Variants in DPRX observed in about 807,000 individuals in gnomAD.
DPRX encodes divergent-paired related homeobox.
DPRX carries 11 observed loss-of-function variants against 8.4 expected under a neutral mutation model. The observed-to-expected ratio is 1.31, with a 90% confidence interval of 0.82 to 2.17. DPRX has a LOEUF of 2.17. DPRX is among the 30% of genes most tolerant of loss of function. The pLI, the probability that DPRX is intolerant of heterozygous loss-of-function variation, is 0.00. For missense variants in DPRX, 211 were observed against 236.7 expected (o/e 0.89, Z 0.71); for synonymous variants, 72 against 87.0 (o/e 0.83, Z 0.96).
upstream of DPRX, chr19:53,629,980 ATG>A (rs2091085662): frequency 2.7e-5 from 1 of 37,698 alleles, no homozygotes; most frequent in South Asian, 6.1e-4. Flanking sequence ...GCCAAGGCAG[ATG>A]GATCACCTGA....
chr19:53,629,323 A>T (rs1173771915), upstream of DPRX, among the ~76,000 whole-genome samples: 1 of 151,318 alleles, frequency 6.6e-6, no homozygotes, highest in African/African-American at 2.4e-5. Flanking sequence ...CTCAAAAAAA[A>T]AAAAAAAAAA....
At position 53,634,288 on chromosome 19, in the gene DPRX, G is replaced by A. The variant is rs1036891107; in HGVS notation, c.29-243G>A. On this transcript the variant is annotated intron_variant, in intron 1 of 2. Coordinates refer to ENST00000376650, the Ensembl canonical transcript of DPRX. The stretch of plus-strand genomic sequence containing the variant: ...TCTGCTAGAAATACAAAAATTATCC[G>A]GGCATGGTGGCGTGCGCCTGTAATC... Among the ~76,000 whole-genome samples, 5 of 152,048 alleles carry A rather than the reference G, an allele frequency of 3.3e-5. 1 individual carries two copies. The highest frequency in any genetic ancestry group is 1.2e-4 in the African/African-American group (5 of 41,430).
upstream of DPRX, among the ~76,000 whole-genome samples, chr19:53,631,589 G>A (rs1307439063): frequency 1.3e-5 from 2 of 151,874 alleles, no homozygotes; most frequent in Non-Finnish European, 2.9e-5. Flanking sequence ...CGGAAACTCC[G>A]TCTCTACTAA....
the DPRX span, among the ~76,000 whole-genome samples, chr19:53,609,466 CAAAAAAAAAAAAA>C: frequency 1.8e-5 from 1 of 55,486 alleles, no homozygotes; most frequent in Non-Finnish European, 3.1e-5. Context: ...GACTCGGTCT[CAAAAAAAAAAAAA>C]AAAAAAAAAA....
the DPRX span, among the ~76,000 whole-genome samples, chr19:53,615,274 A>C: frequency 6.9e-6 from 1 of 145,372 alleles, no homozygotes; most frequent in Non-Finnish European, 1.5e-5. Flanking sequence ...GTCCAGCCAG[A>C]TCTGTCTAAT....
chr19:53,615,719 C>T, the DPRX span, among the ~76,000 whole-genome samples: 1 of 151,942 alleles, frequency 6.6e-6, no homozygotes, highest in Non-Finnish European at 1.5e-5. Flanking sequence ...TACTACAGTC[C>T]TCTTTTATTA....
At chr19:53,616,207 G>A in the DPRX span, among the ~76,000 whole-genome samples, 1 of 151,876 alleles carries the variant, frequency 6.6e-6, no homozygotes, top group Non-Finnish European at 1.5e-5. Context: ...ACCCGAGATT[G>A]CGCCATTGCA....
intron 1 of DPRX, among the ~76,000 whole-genome samples, chr19:53,633,841 A>G (rs1055770892): frequency 6.6e-6 from 1 of 151,152 alleles, no homozygotes; most frequent in African/African-American, 2.4e-5. Context: ...ATGGGGTTTC[A>G]CCATGCTGGC....
At chr19:53,603,456 C>A in the DPRX span, 2 of 452,718 alleles carry the variant, frequency 4.4e-6, no homozygotes, top group African/African-American at 4.0e-5. Context: ...TTCAGGAACA[C>A]ATGCTGGGGA....
chr19:53,612,147 G>C, the DPRX span, among the ~76,000 whole-genome samples: 1 of 151,600 alleles, frequency 6.6e-6, no homozygotes, highest in Non-Finnish European at 1.5e-5. Context: ...ACATTGGGGG[G>C]CCAAGGCAGG....
At chr19:53,631,913 A>G (rs959506063), upstream of DPRX, 7 of 694,192 alleles carry the variant, frequency 1.0e-5, no homozygotes, top group Non-Finnish European at 1.7e-5. Flanking sequence ...TCAATATTAG[A>G]TAAAATGACA....
chr19:53,631,220 G>C (rs1215387247), upstream of DPRX, among the ~76,000 whole-genome samples: 1 of 151,692 alleles, frequency 6.6e-6, no homozygotes, highest in Non-Finnish European at 1.5e-5. Flanking sequence ...GAACCTGAGA[G>C]GCGGAGGTTG....
At chr19:53,608,385 G>T in the DPRX span, 2 of 152,504 alleles carry the variant, frequency 1.3e-5, no homozygotes, top group African/African-American at 4.8e-5. Context: ...AGAACCAAAA[G>T]GTTCACACCT....
chr19:53,616,257 A>T, the DPRX span, among the ~76,000 whole-genome samples: 1 of 152,072 alleles, frequency 6.6e-6, no homozygotes. Flanking sequence ...TGTCTCAAAA[A>T]AAATAAATAA....
At chr19:53,617,225 A>G in the DPRX span, 1 of 820,590 alleles carries the variant, frequency 1.2e-6, no homozygotes, top group Non-Finnish European at 2.2e-6. Flanking sequence ...TATTCGTGAG[A>G]ATGAAACTAC....
chr19:53,613,350 T>TTTG, the DPRX span, among the ~76,000 whole-genome samples: 7 of 152,080 alleles, frequency 4.6e-5, no homozygotes, highest in African/African-American at 1.7e-4. Flanking sequence ...GTGTGAGATC[T>TTTG]TTGTTGTTGT....
chr19:53,618,832 G>A, the DPRX span, among the ~76,000 whole-genome samples: 14 of 151,874 alleles, frequency 9.2e-5, no homozygotes, highest in South Asian at 1.3e-3. Flanking sequence ...ACAGGCATAC[G>A]CCACCAAACC....
upstream of DPRX, among the ~76,000 whole-genome samples, chr19:53,630,468 C>A (rs539918592): frequency 2.4e-4 from 36 of 152,032 alleles, no homozygotes; most frequent in African/African-American, 8.4e-4. Context: ...GAGAGGCTCA[C>A]CTAGGCCCAG....
chr19:53,608,847 C>T, the DPRX span, among the ~76,000 whole-genome samples: 5 of 148,434 alleles, frequency 3.4e-5, no homozygotes, highest in African/African-American at 7.5e-5. Context: ...CCCAGCTACT[C>T]GGGAGGCTGA....
Sources: allele counts gnomAD v4.1 joint callset (sites outside exome capture counted in the v4.1 genomes callset), GRCh38; gene constraint gnomAD v4.1.1; transcripts MANE v1.5; gene names NCBI Gene and HGNC (gene_info 2026-07-23, HGNC 2026-07-21).